Variants in UBAC2 observed in about 807,000 individuals in gnomAD.
The protein encoded by UBAC2 is ubiquitin-associated domain-containing protein 2.
UBAC2 carries 26 observed loss-of-function variants against 44.0 expected under a neutral mutation model. The ratio of observed to expected loss-of-function variants is 0.59; its 90% CI spans 0.43 to 0.82. The LOEUF (loss-of-function observed/expected upper bound fraction) is 0.82, where lower values mean the gene tolerates loss of function less well. Ranked by LOEUF, UBAC2 falls within the 40% of genes least tolerant of loss-of-function variation. The pLI is 0.00. For missense variants in UBAC2, 329 were observed against 419.4 expected (o/e 0.78, Z 1.88); for synonymous variants, 155 against 154.3 (o/e 1.00, Z -0.04).
chr13:99,300,234 G>A lies in UBAC2; in HGVS notation c.390-13863G>A, dbSNP rs112664575. On this transcript the variant is annotated intron_variant, in intron 4 of 8. Transcript: ENST00000403766. ...TGTTGAGGGTCCTTAACTGACGACCGTTGTGCACTGGAGGTGGCCAAAGAA... is the reference window on the plus strand; with the variant it reads ...TGTTGAGGGTCCTTAACTGACGACCATTGTGCACTGGAGGTGGCCAAAGAA... Among the ~76,000 whole-genome samples the A allele has an allele frequency of 1.0e-2, 1,521 of 152,334 alleles. 29 individuals are homozygous for A. The highest frequency in any genetic ancestry group is 0.035 in the African/African-American group (1,470 of 41,576).
At chr13:99,211,238 C>G (rs747448589) in intron 1 of UBAC2, among the ~76,000 whole-genome samples, 7 of 152,160 alleles carry the variant, frequency 4.6e-5, no homozygotes, top group Non-Finnish European at 1.0e-4. Context: ...TTTTCACGCT[C>G]AGAAAATGAT....
intron 5 of UBAC2, among the ~76,000 whole-genome samples, chr13:99,315,950 T>C (rs2044482856): frequency 6.6e-6 from 1 of 151,854 alleles, no homozygotes; most frequent in African/African-American, 2.4e-5. Context: ...TTTTTGCCAT[T>C]AAAGTAAGGC....
At chr13:99,312,283 A>G (rs1015460471) in intron 4 of UBAC2, among the ~76,000 whole-genome samples, 2 of 152,224 alleles carry the variant, frequency 1.3e-5, no homozygotes, top group African/African-American at 2.4e-5. Context: ...GAAGTGAAAC[A>G]TATGTTTTGC....
chr13:99,223,552 T>TG (rs1203278156), intron 1 of UBAC2, among the ~76,000 whole-genome samples: 1 of 147,936 alleles, frequency 6.8e-6, no homozygotes, highest in Non-Finnish European at 1.5e-5. Flanking sequence ...GTTTTTTTTT[T>TG]TTTTTTTTTT....
chr13:99,289,524 A>G (rs1439438423), intron 4 of UBAC2, among the ~76,000 whole-genome samples: 2 of 152,246 alleles, frequency 1.3e-5, no homozygotes, highest in Admixed American at 6.5e-5. Flanking sequence ...TGAGCATGAA[A>G]TGACACAATG....
intron 8 of UBAC2, among the ~76,000 whole-genome samples, chr13:99,369,318 CAGT>C (rs1003437963): frequency 2.0e-5 from 3 of 152,200 alleles, no homozygotes; most frequent in Non-Finnish European, 4.4e-5. Flanking sequence ...GATACATACT[CAGT>C]AGAAGCCATA....
intron 4 of UBAC2, among the ~76,000 whole-genome samples, chr13:99,245,054 G>T (rs1361058233): frequency 6.6e-6 from 1 of 152,086 alleles, no homozygotes; most frequent in Non-Finnish European, 1.5e-5. Context: ...GGCTGGTCTT[G>T]AACTCCTGAC....
intron 8 of UBAC2, among the ~76,000 whole-genome samples, chr13:99,384,125 G>A (rs2045587838): frequency 6.6e-6 from 1 of 151,928 alleles, no homozygotes; most frequent in African/African-American, 2.4e-5. Flanking sequence ...AGGAAGGGGT[G>A]GTGATACTGG....
At chr13:99,262,261 T>TA (rs1466145654) in intron 4 of UBAC2, among the ~76,000 whole-genome samples, 111 of 152,332 alleles carry the variant, frequency 7.3e-4, no homozygotes, top group African/African-American at 2.5e-3. Context: ...ATCATAGGTA[T>TA]GTATGTACAG....
intron 1 of UBAC2, chr13:99,231,570 C>G (rs2142709654): frequency 6.6e-6 from 1 of 151,688 alleles, no homozygotes; most frequent in South Asian, 2.1e-4. Flanking sequence ...GCCACCACGC[C>G]CAGCTACTTT....
chr13:99,317,936 G>T, intron 5 of UBAC2, 86 bp from the exon 6 acceptor site: 3 of 1,058,302 alleles, frequency 2.8e-6, no homozygotes, highest in Non-Finnish European at 4.2e-6. Flanking sequence ...TATATAAATG[G>T]TCATGACTAT....
intron 1 of UBAC2, among the ~76,000 whole-genome samples, chr13:99,203,826 C>G (rs1248364626): frequency 3.3e-5 from 5 of 152,070 alleles, no homozygotes; most frequent in African/African-American, 1.2e-4. Context: ...AAGGAGCAAG[C>G]CATATCAGAG....
chr13:99,342,601 G>A (rs577446404), intron 7 of UBAC2, among the ~76,000 whole-genome samples: 46 of 152,260 alleles, frequency 3.0e-4, no homozygotes, highest in African/African-American at 9.1e-4. Flanking sequence ...CCATCCATTC[G>A]TGTGCCAGCG....
At chr13:99,363,518 G>A (rs1395498527) in intron 7 of UBAC2, among the ~76,000 whole-genome samples, 4 of 152,206 alleles carry the variant, frequency 2.6e-5, no homozygotes, top group South Asian at 2.1e-4. Context: ...CCAGGCCGGC[G>A]GGGCAGTGTC....
rs73570168 is a variant in UBAC2 at position 99,379,143 on chromosome 13, G to A, written c.928-6085G>A. 1.0e-2 allele frequency among the ~76,000 whole-genome samples: 1,520 copies of A among 152,304 alleles called. 28 individuals are homozygous for A. The highest frequency in any genetic ancestry group is 0.035 in the African/African-American group (1,474 of 41,560). On this transcript the variant is annotated intron_variant, in intron 8 of 8. Coordinates refer to ENST00000403766, the MANE Select transcript of UBAC2 (RefSeq NM_001144072.2). ...ATAATAATGGTCTGGTAAGAAATTC[G>A]CTGCTTGAAAACAGCAAGGACACAA...
intron 7 of UBAC2, among the ~76,000 whole-genome samples, chr13:99,366,122 G>A (rs747134357): frequency 9.2e-5 from 14 of 152,078 alleles, no homozygotes; most frequent in Admixed American, 3.9e-4. Context: ...GGAGGTGAGA[G>A]GTGAGAGTGG....
At chr13:99,381,537 C>A (rs1018224076) in intron 8 of UBAC2, among the ~76,000 whole-genome samples, 1 of 152,112 alleles carries the variant, frequency 6.6e-6, no homozygotes, top group Admixed American at 6.5e-5. Context: ...TGTTTGGGGG[C>A]CATGGCATCA....
chr13:99,325,410 A>C (rs756325325), intron 6 of UBAC2, among the ~76,000 whole-genome samples: 1 of 152,088 alleles, frequency 6.6e-6, no homozygotes, highest in Non-Finnish European at 1.5e-5. Flanking sequence ...GCCTATGTCT[A>C]TGCTCTTAAA....
intron 1 of UBAC2, among the ~76,000 whole-genome samples, chr13:99,211,218 C>CA (rs2042934036): frequency 1.3e-5 from 2 of 152,180 alleles, no homozygotes; most frequent in South Asian, 4.1e-4. Flanking sequence ...TTCCCCTCCA[C>CA]AAACGAGTCT....
Sources: gnomAD v4.1 joint callset for allele counts (sites outside exome capture counted in the v4.1 genomes callset) on GRCh38, gnomAD v4.1.1 for gene constraint, MANE v1.5 for transcripts, NCBI Gene and HGNC (gene_info 2026-07-23, HGNC 2026-07-21) for gene names.